Variants in HCN1 observed in about 807,000 individuals in gnomAD.
HCN1 encodes the protein potassium/sodium hyperpolarization-activated cyclic nucleotide-gated channel 1.
A neutral mutation model predicts 78.9 loss-of-function variants in HCN1; 13 were observed. The observed-to-expected ratio is 0.16, with a 90% CI of 0.11 to 0.26. HCN1 has a LOEUF of 0.26. Among genes scored for constraint, HCN1 ranks in the 10% least tolerant of loss-of-function variants. The probability of loss-of-function intolerance (pLI) is 1.00; values close to 1 mark genes in which losing one functional copy is unlikely to be tolerated. For missense variants in HCN1, 810 were observed against 1,154.3 expected (o/e 0.70, Z 4.32); for synonymous variants, 552 against 455.5 (o/e 1.21, Z -2.70).
intron 6 of HCN1, among the ~76,000 whole-genome samples, chr5:45,295,041 G>C (rs1344304638): frequency 6.6e-6 from 1 of 151,988 alleles, no homozygotes; most frequent in East Asian, 1.9e-4. Context: ...CAGGAGTCCA[G>C]ACACTCCTTT....
intron 3 of HCN1, among the ~76,000 whole-genome samples, chr5:45,408,992 T>A (rs1190308423): frequency 6.6e-6 from 1 of 152,148 alleles, no homozygotes; most frequent in Non-Finnish European, 1.5e-5. Context: ...TAAAATTTAT[T>A]AAATATGCAG....
intron 2 of HCN1, among the ~76,000 whole-genome samples, chr5:45,474,719 C>T (rs568801340): frequency 9.9e-5 from 15 of 151,964 alleles, no homozygotes; most frequent in Non-Finnish European, 2.2e-4. Context: ...GGTAATTTTA[C>T]TTGAAAAAGG....
chr5:45,420,464 C>T (rs890736256), intron 3 of HCN1, among the ~76,000 whole-genome samples: 2 of 152,116 alleles, frequency 1.3e-5, no homozygotes, highest in Non-Finnish European at 1.5e-5. Context: ...GGAATGTGTG[C>T]TTTTTCTGCC....
chr5:45,661,308 T>G (rs1203891929), intron 1 of HCN1, among the ~76,000 whole-genome samples: 65 of 138,038 alleles, frequency 4.7e-4, no homozygotes, highest in African/African-American at 1.6e-3. Flanking sequence ...CAAAGCAGTG[T>G]GTAGAGGGAA....
chr5:45,277,427 G>C (rs745905932), intron 6 of HCN1, among the ~76,000 whole-genome samples: 3 of 152,048 alleles, frequency 2.0e-5, no homozygotes, highest in Non-Finnish European at 4.4e-5. Context: ...GAGCTTGAAA[G>C]GGGATGAGGC....
intron 6 of HCN1, among the ~76,000 whole-genome samples, chr5:45,299,557 A>T (rs916632392): frequency 6.6e-6 from 1 of 151,864 alleles, no homozygotes; most frequent in African/African-American, 2.4e-5. Flanking sequence ...TTGGCATCAA[A>T]TTTTTTTAAA....
Position 45,658,641 on chromosome 5 carries a change from G to C in HCN1, c.426-13033C>G, listed in dbSNP as rs1580026499. On this transcript the variant is annotated intron_variant, in intron 1 of 7. Transcript: ENST00000303230. The stretch of plus-strand genomic sequence containing the variant: ...GCAGGGCGAGGCATTGCCTCACCTG[G>C]GAAGCGCAAGGGGTCAGGGAGTTCC... Among the ~76,000 whole-genome samples, 4 of 151,814 alleles carry C rather than the reference G, an allele frequency of 2.6e-5. 1 individual carries two copies. The highest frequency in any genetic ancestry group is 9.7e-5 in the African/African-American group (4 of 41,378).
chr5:45,630,297 A>G (rs1745248821), intron 2 of HCN1, among the ~76,000 whole-genome samples: 1 of 152,194 alleles, frequency 6.6e-6, no homozygotes. Flanking sequence ...CAGAGTATGG[A>G]TTTATATCCT....
chr5:45,539,949 TATATATATATAA>T (rs1743063367), intron 2 of HCN1, among the ~76,000 whole-genome samples: 3 of 88,178 alleles, frequency 3.4e-5, no homozygotes, highest in South Asian at 3.9e-4. Context: ...TATATATATA[TATATATATATAA>T]AATGTTTATC....
At chr5:45,375,951 T>G (rs1284013160) in intron 4 of HCN1, among the ~76,000 whole-genome samples, 7 of 119,264 alleles carry the variant, frequency 5.9e-5, no homozygotes, top group African/African-American at 1.8e-4. Context: ...ATCACATATA[T>G]TATATATGAT....
chr5:45,354,856 T>C (rs1746978701), intron 4 of HCN1, among the ~76,000 whole-genome samples: 1 of 151,996 alleles, frequency 6.6e-6, no homozygotes, highest in South Asian at 2.1e-4. Context: ...CTACTTTCTT[T>C]TCCATGCATC....
chr5:45,576,946 A>G (rs1172615996), intron 2 of HCN1, among the ~76,000 whole-genome samples: 4 of 151,976 alleles, frequency 2.6e-5, no homozygotes, highest in African/African-American at 9.7e-5. Flanking sequence ...AAGGCTTTTA[A>G]CCCTCTATGC....
chr5:45,313,954 T>C (rs1314856212), intron 5 of HCN1, among the ~76,000 whole-genome samples: 1 of 152,082 alleles, frequency 6.6e-6, no homozygotes, highest in Non-Finnish European at 1.5e-5. Flanking sequence ...CAGGATATTA[T>C]CCAGGAGAAC....
chr5:45,542,578 G>A (rs906488380), intron 2 of HCN1, among the ~76,000 whole-genome samples: 16 of 152,152 alleles, frequency 1.1e-4, no homozygotes, highest in Admixed American at 6.6e-5. Flanking sequence ...TACTACAGTG[G>A]TGACAGCGAG....
intron 1 of HCN1, among the ~76,000 whole-genome samples, chr5:45,687,137 C>G (rs1204122699): frequency 6.6e-6 from 1 of 152,122 alleles, no homozygotes; most frequent in Non-Finnish European, 1.5e-5. Flanking sequence ...ATTATTCCCA[C>G]TTCTTGATAT....
chr5:45,289,951 C>A (rs188218544), intron 6 of HCN1, among the ~76,000 whole-genome samples: 1 of 151,888 alleles, frequency 6.6e-6, no homozygotes, highest in Non-Finnish European at 1.5e-5. Context: ...TATATTGGGG[C>A]ATGATATGGT....
intron 1 of HCN1, among the ~76,000 whole-genome samples, chr5:45,671,909 T>A (rs1746159767): frequency 6.6e-6 from 1 of 151,566 alleles, no homozygotes; most frequent in South Asian, 2.1e-4. Context: ...TAGGGTTTCT[T>A]CTCAATTGGT....
At chr5:45,592,540 C>T (rs979180297) in intron 2 of HCN1, among the ~76,000 whole-genome samples, 2 of 152,044 alleles carry the variant, frequency 1.3e-5, no homozygotes, top group Non-Finnish European at 2.9e-5. Context: ...TTTTCTGAAT[C>T]TTATTTCATT....
chr5:45,526,420 G>T (rs946623035), intron 2 of HCN1, among the ~76,000 whole-genome samples: 2 of 151,938 alleles, frequency 1.3e-5, no homozygotes, highest in Admixed American at 1.3e-4. Context: ...ACTGGCCTTC[G>T]GCCTTCATGC....
Sources: gnomAD v4.1 joint callset for allele counts (sites outside exome capture counted in the v4.1 genomes callset) on GRCh38, gnomAD v4.1.1 for gene constraint, MANE v1.5 for transcripts, NCBI Gene and HGNC (gene_info 2026-07-23, HGNC 2026-07-21) for gene names.